CPLANE1: variants seen among roughly 807,000 people sequenced by gnomAD.
The protein encoded by CPLANE1 is ciliogenesis and planar polarity effector 1.
CPLANE1 carries 263 observed loss-of-function variants against 362.5 expected under a neutral mutation model. That is an observed-to-expected ratio of 0.73 (90% CI 0.66 to 0.80). The LOEUF (loss-of-function observed/expected upper bound fraction) is 0.80, where lower values mean the gene tolerates loss of function less well. Among genes scored for constraint, CPLANE1 ranks in the 30% least tolerant of loss-of-function variants. The pLI is 0.00. For missense variants in CPLANE1, 3,461 were observed against 3,793.4 expected, an observed-to-expected ratio of 0.91 and a Z score of 2.30; for synonymous variants, 1,212 against 1,302.6, an observed-to-expected ratio of 0.93 and a Z score of 1.50.
intron 19 of CPLANE1, among the ~76,000 whole-genome samples, 175 bp from the exon 20 acceptor site, chr5:37,199,041 GA>G (rs1167238339): frequency 3.5e-5 from 5 of 141,406 alleles, no homozygotes; most frequent in African/African-American, 1.3e-4. Flanking sequence ...AAGCTGAAGT[GA>G]GCCATGATTG....
At chr5:37,143,865 G>A (rs1770558062) in intron 43 of CPLANE1, among the ~76,000 whole-genome samples, 1 of 151,668 alleles carries the variant, frequency 6.6e-6, no homozygotes, top group African/African-American at 2.4e-5. Flanking sequence ...AACCTGCGAG[G>A]CAGGGGATGT....
At chr5:37,125,585 G>C (rs1055522406) in intron 46 of CPLANE1, 176 bp from the exon 47 acceptor site, 2 of 590,024 alleles carry the variant, frequency 3.4e-6, no homozygotes, top group African/African-American at 1.9e-5. Flanking sequence ...ACTGAAAATG[G>C]ACTCAGAAAG....
At chr5:37,152,698 C>T (rs986921212) in intron 42 of CPLANE1, among the ~76,000 whole-genome samples, 1 of 151,988 alleles carries the variant, frequency 6.6e-6, no homozygotes, top group African/African-American at 2.4e-5. Context: ...CTAGTTCAAG[C>T]AAAATAGGGA....
intron 46 of CPLANE1, chr5:37,130,715 T>G (rs1472245100): frequency 6.5e-6 from 1 of 153,280 alleles, no homozygotes; most frequent in Non-Finnish European, 1.5e-5. Context: ...AATACAGTTG[T>G]GATAAAGTGT....
At chr5:37,237,118 T>C (rs1040338839) in intron 8 of CPLANE1, among the ~76,000 whole-genome samples, 4 of 152,210 alleles carry the variant, frequency 2.6e-5, no homozygotes, top group African/African-American at 9.6e-5. Context: ...GAAATCATTA[T>C]ATCAAAAAGA....
At chr5:37,167,545 G>A (rs1053406133) in intron 34 of CPLANE1, among the ~76,000 whole-genome samples, 32 of 152,118 alleles carry the variant, frequency 2.1e-4, no homozygotes, top group African/African-American at 7.7e-4. Flanking sequence ...TTGGGAGGTC[G>A]AGACGGGCTG....
chr5:37,158,949 A>G (rs1776018737), intron 38 of CPLANE1, among the ~76,000 whole-genome samples: 1 of 151,270 alleles, frequency 6.6e-6, no homozygotes, highest in Non-Finnish European at 1.5e-5. Context: ...ACACCTGGCT[A>G]ATTTTTTTGT....
intron 9 of CPLANE1, among the ~76,000 whole-genome samples, chr5:37,228,266 C>T (rs1050205164): frequency 9.2e-5 from 14 of 151,984 alleles, no homozygotes; most frequent in African/African-American, 2.7e-4. Flanking sequence ...AAAATTTTAC[C>T]TATTTAAATT....
At chr5:37,202,396 G>A (rs1013045290) in intron 18 of CPLANE1, among the ~76,000 whole-genome samples, 1 of 152,076 alleles carries the variant, frequency 6.6e-6, no homozygotes, top group African/African-American at 2.4e-5. Flanking sequence ...GATCTCAGGT[G>A]ATCCACCTAG....
chr5:37,225,059 A>G (rs1796154460), intron 12 of CPLANE1, among the ~76,000 whole-genome samples: 1 of 149,770 alleles, frequency 6.7e-6, no homozygotes, highest in Admixed American at 6.7e-5. Context: ...AGGTGAGATT[A>G]CAGGTATGTG....
At chr5:37,190,028 G>T (rs1471526999) in intron 21 of CPLANE1, among the ~76,000 whole-genome samples, 1 of 151,862 alleles carries the variant, frequency 6.6e-6, no homozygotes, top group Non-Finnish European at 1.5e-5. Flanking sequence ...AAAGAAGAGT[G>T]CATTGCACAC....
At chr5:37,146,369 G>C (rs961989645) in intron 43 of CPLANE1, among the ~76,000 whole-genome samples, 3 of 152,040 alleles carry the variant, frequency 2.0e-5, no homozygotes, top group Non-Finnish European at 2.9e-5. Context: ...AGTAGAGACA[G>C]GGTTTCACCA....
intron 5 of CPLANE1, 110 bp downstream of exon 5, chr5:37,244,265 C>T (rs1738731615): frequency 1.8e-5 from 11 of 626,628 alleles, no homozygotes; most frequent in Middle Eastern, 6.2e-4. Flanking sequence ...CTTTTCCATA[C>T]AAGAATTTCA....
rs1769254994 is a variant in CPLANE1 at position 37,140,235 on chromosome 5, T to C, written c.8633-865A>G. 4.4e-6 allele frequency: 4 copies of C among 912,182 alleles called. No homozygotes were observed. The South Asian group carries it at 1.5e-4, about 35-fold the overall frequency. 56.5% of individuals were successfully genotyped at this position (912,182 alleles called of 1,614,324 possible). A position where few individuals can be genotyped will look rare whatever the true frequency, so the allele number is the denominator to read the frequency against. ...ATAGGGAAAAGTGTTCTGACATCTC[T>C]TCTCAAAAAATATTCCTTAAGATTT... On this transcript the variant is annotated intron_variant, in intron 44 of 52. Coordinates refer to ENST00000651892, the MANE Select transcript of CPLANE1 (RefSeq NM_001384732.1).
At position 37,133,204 on chromosome 5, in the gene CPLANE1, T is replaced by G. The variant is rs567071711; in HGVS notation, c.8792+5516A>C. Among the ~76,000 whole-genome samples the G allele has an allele frequency of 6.4e-4, 97 of 152,306 alleles. 1 individual carries two copies. The highest frequency in any genetic ancestry group is 1.2e-3 in the Non-Finnish European group (83 of 68,030). ...TTGTATAATTTGAAGGCAGGTAACA[T>G]GATGACTCTGGCTTTGCTCTTTTTA... On this transcript the variant is annotated intron_variant, in intron 46 of 52. Transcript: ENST00000651892.
At chr5:37,230,234 A>G (rs540070612) in intron 9 of CPLANE1, among the ~76,000 whole-genome samples, 1 of 151,830 alleles carries the variant, frequency 6.6e-6, no homozygotes, top group African/African-American at 2.4e-5. Flanking sequence ...AAAAAAAAAA[A>G]GAATAACTAA....
At chr5:37,187,636 A>G in intron 22 of CPLANE1, 64 bp from the exon 23 acceptor site, 1 of 1,564,740 alleles carries the variant, frequency 6.4e-7, no homozygotes, top group Non-Finnish European at 8.7e-7. Flanking sequence ...GAATGAGTTC[A>G]AAAGAAAGTT....
the CPLANE1 span, among the ~76,000 whole-genome samples, chr5:37,084,814 T>C: frequency 1.3e-5 from 2 of 150,404 alleles, no homozygotes; most frequent in Non-Finnish European, 3.0e-5. Flanking sequence ...AGATACAAAA[T>C]GGCAGAATGG....
chr5:37,193,119 T>C lies in CPLANE1; in HGVS notation c.3811+2739A>G, dbSNP rs558439878. 3.4e-5 allele frequency among the ~76,000 whole-genome samples: 5 copies of C among 149,086 alleles called. No homozygotes were observed. The South Asian group carries it at 8.5e-4, about 25-fold the overall frequency. ...GGCAGAGGTTGTAGTGAGCTGAGAT[T>C]GTGCATGCCACTGCACTCCAGCCTG... is the stretch of plus-strand genomic sequence containing the variant. On this transcript the variant is annotated intron_variant, in intron 21 of 52. Transcript: ENST00000651892.
Sources: gnomAD v4.1 joint callset for allele counts (sites outside exome capture counted in the v4.1 genomes callset) on GRCh38, gnomAD v4.1.1 for gene constraint, MANE v1.5 for transcripts, NCBI Gene and HGNC (gene_info 2026-07-23, HGNC 2026-07-21) for gene names.